Variants in GABRG1 observed in about 807,000 individuals in gnomAD.
The protein encoded by GABRG1 is gamma-aminobutyric acid receptor subunit gamma-1.
A neutral mutation model predicts 49.8 loss-of-function variants in GABRG1; 49 were observed. That is an observed-to-expected ratio of 0.98 (90% CI 0.78 to 1.25). GABRG1 has a LOEUF of 1.25. Ranked by LOEUF, GABRG1 falls within the 50% of genes most tolerant of loss-of-function variation. GABRG1 has a pLI of 0.00. For synonymous variants in GABRG1, 232 were observed against 185.1 expected (o/e 1.25, Z -2.06); for missense variants, 552 against 552.3 (o/e 1.00, Z 0.01).
chr4:46,041,000 A>ATAG lies in GABRG1; in HGVS notation c.1383_1385dup (p.Tyr462dup). The ATAG allele has an allele frequency of 6.2e-7, 1 of 1,610,870 alleles. No individual in the cohort carries two copies. Among genetic ancestry groups the ATAG allele is most frequent in the Non-Finnish European group, 8.5e-7 (1 of 1,178,240 alleles). On this transcript the variant is annotated inframe_insertion, in exon 9 of 9. Coordinates refer to ENST00000295452, the MANE Select transcript of GABRG1 (RefSeq NM_173536.4). ...TATGAAGTAGATTTTATAAGTAAAG[A>ATAG]TAGCCAACCCAATAAACCAAGTTGA...
At chr4:46,114,444 T>C (rs145693527) in intron 1 of GABRG1, among the ~76,000 whole-genome samples, 176 of 151,090 alleles carry the variant, frequency 1.2e-3, no homozygotes, top group African/African-American at 4.0e-3. Flanking sequence ...CAATCTGTCC[T>C]GTGGTTAACT....
intron 1 of GABRG1, 152 bp from the exon 2 acceptor site, chr4:46,097,501 T>C: frequency 1.6e-6 from 1 of 635,374 alleles, no homozygotes; most frequent in Non-Finnish European, 2.5e-6. Flanking sequence ...ACCAATACAT[T>C]TGTCATACAA....
chr4:46,059,842 T>G (rs1718605469), intron 5 of GABRG1, among the ~76,000 whole-genome samples: 1 of 152,180 alleles, frequency 6.6e-6, no homozygotes, highest in Non-Finnish European at 1.5e-5. Context: ...ATTCTCCTGA[T>G]TAATAATAAA....
At chr4:46,077,620 G>T (rs576170835) in intron 3 of GABRG1, among the ~76,000 whole-genome samples, 1 of 151,812 alleles carries the variant, frequency 6.6e-6, no homozygotes, top group African/African-American at 2.4e-5. Context: ...TTCACACACA[G>T]AATTTTTTTT....
Position 46,122,685 on chromosome 4 carries a change from C to A in GABRG1, c.104+1125G>T, listed in dbSNP as rs138105188. Among the ~76,000 whole-genome samples the A allele has an allele frequency of 3.7e-3, 560 of 152,122 alleles. 3 individuals carry two copies. Among genetic ancestry groups the A allele is most frequent in the African/African-American group, 0.013 (539 of 41,526 alleles). ...TATATGCTGGTGTGGCAAAAAAATT[C>A]ACTCTAGCTTTACACTTACGTTTAT... On this transcript the variant is annotated intron_variant, in intron 1 of 8. Coordinates refer to ENST00000295452, the MANE Select transcript of GABRG1 (RefSeq NM_173536.4).
At chr4:46,048,550 C>T (rs1718092184) in intron 8 of GABRG1, among the ~76,000 whole-genome samples, 1 of 142,946 alleles carries the variant, frequency 7.0e-6, no homozygotes, top group Admixed American at 7.3e-5. Flanking sequence ...CCACCATGCA[C>T]CGACTCTTTA....
At position 46,051,564 on chromosome 4, in the gene GABRG1, T is replaced by C. The variant is rs1393244291; in HGVS notation, c.991A>G (p.Thr331Ala). 1 of 1,611,686 alleles carries C rather than the reference T, an allele frequency of 6.2e-7. No individual in the cohort carries two copies. Among genetic ancestry groups the C allele is most frequent in the South Asian group, 1.1e-5 (1 of 91,038 alleles). ...ACAGAAACAAAGAGATCCATCGCAG[T>C]CACATAAGAAACCTTAGGTAAAGAC... ...RKSLPKVSYV[T>A]AMDLFVSVCF... Residue 331 changes from threonine to alanine, a missense_variant, in exon 8 of 9, where the codon ACT (threonine) becomes GCT (alanine). Physicochemically the swap from Thr to Ala is moderately conservative, Grantham distance 58. Coordinates refer to ENST00000295452, the MANE Select transcript of GABRG1 (RefSeq NM_173536.4).
chr4:46,046,554 C>G (rs138197257), intron 8 of GABRG1, among the ~76,000 whole-genome samples: 1 of 152,166 alleles, frequency 6.6e-6, no homozygotes, highest in African/African-American at 2.4e-5. Flanking sequence ...TGGATTGATA[C>G]AGCTTTTCAT....
chr4:46,048,655 G>A (rs951504004), intron 8 of GABRG1, among the ~76,000 whole-genome samples: 4 of 150,724 alleles, frequency 2.7e-5, no homozygotes, highest in African/African-American at 9.7e-5. Context: ...GGAAAGGAAG[G>A]AAAGAAAGAA....
rs1560360726 is a variant in GABRG1 at position 46,076,361 on chromosome 4, T to TTATATATATATA, written c.321+7624_321+7625insTATATATATATA. Among the ~76,000 whole-genome samples the TTATATATATATA allele has an allele frequency of 9.0e-5, 7 of 78,150 alleles. 1 individual carries two copies. The highest frequency in any genetic ancestry group is 1.5e-4 in the Non-Finnish European group (6 of 38,870). 51.3% of individuals were successfully genotyped at this position (78,150 alleles called of 152,430 possible). On this transcript the variant is annotated intron_variant, in intron 3 of 8. Transcript: ENST00000295452. ...TACCTAAATTTATCTTAGGTCATGT[T>TTATATATATATA]CATATATATATATATATATATATAT...
chr4:46,098,896 T>A (rs992837583), intron 1 of GABRG1, among the ~76,000 whole-genome samples: 1 of 151,748 alleles, frequency 6.6e-6, no homozygotes, highest in Non-Finnish European at 1.5e-5. Flanking sequence ...CATTGCCCTC[T>A]ATTTTGCTTT....
At chr4:46,123,200 T>TAA (rs11310859) in intron 1 of GABRG1, among the ~76,000 whole-genome samples, 1 of 149,316 alleles carries the variant, frequency 6.7e-6, no homozygotes, top group African/African-American at 2.5e-5. Context: ...CAGCCAATTT[T>TAA]AAAAAAAAAC....
chr4:46,105,239 G>A (rs949417191), intron 1 of GABRG1, among the ~76,000 whole-genome samples: 32 of 151,536 alleles, frequency 2.1e-4, no homozygotes, highest in Middle Eastern at 3.4e-3. Context: ...TGCACCATTG[G>A]CAGAGGTGGG....
At chr4:46,080,075 T>A (rs997865001) in intron 3 of GABRG1, among the ~76,000 whole-genome samples, 1 of 151,914 alleles carries the variant, frequency 6.6e-6, no homozygotes, top group Non-Finnish European at 1.5e-5. Flanking sequence ...AAGAAAAGCA[T>A]ATTCCATTGT....
At chr4:46,081,218 C>G (rs1179825253) in intron 3 of GABRG1, among the ~76,000 whole-genome samples, 1 of 151,792 alleles carries the variant, frequency 6.6e-6, no homozygotes, top group South Asian at 2.1e-4. Context: ...TTTCCCCCAT[C>G]TCACAGAGGT....
intron 1 of GABRG1, among the ~76,000 whole-genome samples, chr4:46,114,101 T>C (rs1374998627): frequency 1.3e-5 from 2 of 151,092 alleles, no homozygotes; most frequent in Admixed American, 6.6e-5. Flanking sequence ...AACCCTTTTG[T>C]AGAAAAGTTC....
At chr4:46,086,645 A>T (rs1469149980) in intron 2 of GABRG1, among the ~76,000 whole-genome samples, 5 of 151,270 alleles carry the variant, frequency 3.3e-5, no homozygotes, top group Admixed American at 6.6e-5. Flanking sequence ...ATCACACATA[A>T]TTTTTTTTCT....
rs942586343 is a variant in GABRG1, at chr4:46,037,666, G to C, written c.*3322C>G. The C allele has an allele frequency of 2.0e-5, 3 of 151,646 alleles. No homozygotes were observed. The highest frequency in any genetic ancestry group is 7.2e-5 in the African/African-American group (3 of 41,380). 9.4% of individuals were successfully genotyped at this position (151,646 alleles called of 1,614,324 possible). A position where few individuals can be genotyped will look rare whatever the true frequency, so the allele number is the denominator to read the frequency against. ...AAGAGTAAAAATAGGTACTGGTATA[G>C]AACTTTGAAAATATTATGCATGTAT... is the stretch of plus-strand genomic sequence containing the variant. On this transcript the variant is annotated 3_prime_UTR_variant, in exon 9 of 9. Transcript: ENST00000295452.
chr4:46,121,825 G>T (rs1258302330), intron 1 of GABRG1, among the ~76,000 whole-genome samples: 1 of 151,972 alleles, frequency 6.6e-6, no homozygotes, highest in African/African-American at 2.4e-5. Context: ...AATAATCCAG[G>T]TTATCTACAT....
Sources: gnomAD v4.1 joint callset for allele counts (sites outside exome capture counted in the v4.1 genomes callset) on GRCh38, gnomAD v4.1.1 for gene constraint, MANE v1.5 for transcripts, NCBI Gene and HGNC (gene_info 2026-07-23, HGNC 2026-07-21) for gene names.